The following RASAL2 variants were observed in gnomAD, a reference collection of about 807,000 sequenced individuals.
RASAL2 encodes the protein RAS protein activator like 2.
RASAL2 carries 58 observed loss-of-function variants against 128.9 expected under a neutral mutation model. That is an observed-to-expected ratio of 0.45 (90% CI 0.36 to 0.56). RASAL2 has a LOEUF of 0.56. Among genes scored for constraint, RASAL2 ranks in the 20% least tolerant of loss-of-function variants. The pLI is 0.00. For missense variants in RASAL2, 1,360 were observed against 1,601.6 expected (o/e 0.85, Z 2.57); for synonymous variants, 561 against 580.8 (o/e 0.97, Z 0.49).
At chr1:178,383,054 A>G (rs758192219) in intron 3 of RASAL2, among the ~76,000 whole-genome samples, 10 of 152,138 alleles carry the variant, frequency 6.6e-5, no homozygotes, top group Non-Finnish European at 1.2e-4. Flanking sequence ...CTGGGGAAAA[A>G]AATTGTTTTT....
In RASAL2 at chr1:178,108,923, G is replaced by T. The variant is rs146147706; in HGVS notation, c.202+14229G>T. 2.3e-4 allele frequency among the ~76,000 whole-genome samples: 35 copies of T among 152,294 alleles called. No individual in the cohort carries two copies. In the East Asian group the frequency reaches 6.6e-3, roughly 29 times the overall value. ...TTGAATAGTTTTGTATTTAAAAAAGGTTAAAGTCTGTTAGCTCTCTAAAAT... is the reference window on the plus strand; with the variant it reads ...TTGAATAGTTTTGTATTTAAAAAAGTTTAAAGTCTGTTAGCTCTCTAAAAT... On this transcript the variant is annotated intron_variant, in intron 1 of 17. Transcript: ENST00000367649.
chr1:178,155,210 A>G (rs139594846), intron 1 of RASAL2, among the ~76,000 whole-genome samples: 2 of 152,236 alleles, frequency 1.3e-5, no homozygotes, highest in East Asian at 3.9e-4. Flanking sequence ...GTATTCTTCT[A>G]TTGCCCCAGG....
chr1:178,278,776 T>G (rs1326386275), intron 1 of RASAL2, among the ~76,000 whole-genome samples: 2 of 152,186 alleles, frequency 1.3e-5, no homozygotes, highest in African/African-American at 4.8e-5. Context: ...ATGGAAGAGA[T>G]AAGTTGCTTA....
intron 4 of RASAL2, among the ~76,000 whole-genome samples, chr1:178,400,431 G>A (rs754450360): frequency 1.1e-4 from 17 of 152,014 alleles, no homozygotes; most frequent in African/African-American, 3.4e-4. Context: ...AACCTTGGCC[G>A]TCTCTGTCCT....
intron 1 of RASAL2, among the ~76,000 whole-genome samples, chr1:178,152,526 G>C (rs576852642): frequency 6.6e-6 from 1 of 152,220 alleles, no homozygotes; most frequent in Admixed American, 6.5e-5. Flanking sequence ...TTAGCCAAGC[G>C]TGGTGGCGGG....
At chr1:178,153,130 C>CA (rs1344696802) in intron 1 of RASAL2, among the ~76,000 whole-genome samples, 1 of 151,992 alleles carries the variant, frequency 6.6e-6, no homozygotes, top group Non-Finnish European at 1.5e-5. Context: ...AATGTTTTGT[C>CA]AAAGAAACAG....
At chr1:178,438,101 C>G in intron 5 of RASAL2, among the ~76,000 whole-genome samples, 1 of 98,052 alleles carries the variant, frequency 1.0e-5, no homozygotes, top group African/African-American at 4.0e-5. Flanking sequence ...TAAATGGTGG[C>G]TTGTGTGTGT....
chr1:178,118,864 T>TG (rs1474913607), intron 1 of RASAL2, among the ~76,000 whole-genome samples: 2 of 152,024 alleles, frequency 1.3e-5, no homozygotes, highest in Admixed American at 6.6e-5. Context: ...AGGTTTTTTT[T>TG]TTTTTGTTTG....
chr1:178,097,113 TA>T (rs893057365), intron 1 of RASAL2, among the ~76,000 whole-genome samples: 6 of 152,256 alleles, frequency 3.9e-5, no homozygotes, highest in African/African-American at 1.4e-4. Flanking sequence ...GAGTGTAGTC[TA>T]ACATGTTTCA....
chr1:178,283,518 G>A, intron 1 of RASAL2, 46 bp from the exon 2 acceptor site: 1 of 1,591,598 alleles, frequency 6.3e-7, no homozygotes, highest in South Asian at 1.1e-5. Context: ...GGTTTACTAA[G>A]CAAGATAATG....
intron 1 of RASAL2, among the ~76,000 whole-genome samples, chr1:178,195,755 T>C (rs1436332628): frequency 6.6e-6 from 1 of 152,140 alleles, no homozygotes; most frequent in Non-Finnish European, 1.5e-5. Context: ...AAACTATACA[T>C]TTTCTAGATA....
intron 1 of RASAL2, among the ~76,000 whole-genome samples, chr1:178,107,299 C>G (rs1659127708): frequency 6.6e-6 from 1 of 152,038 alleles, no homozygotes; most frequent in African/African-American, 2.4e-5. Flanking sequence ...CATTTTTGTG[C>G]TTTTCTAAGT....
At chr1:178,192,920 C>T (rs1421060959) in intron 1 of RASAL2, among the ~76,000 whole-genome samples, 2 of 152,056 alleles carry the variant, frequency 1.3e-5, no homozygotes, top group Non-Finnish European at 2.9e-5. Flanking sequence ...TGGGTATGTG[C>T]ACATTTCCAG....
chr1:178,442,605 A>G, intron 7 of RASAL2, 70 bp from the exon 8 acceptor site: 3 of 1,378,942 alleles, frequency 2.2e-6, no homozygotes, highest in Non-Finnish European at 3.0e-6. Flanking sequence ...GAACATTGCC[A>G]ACTTAAGAAA....
intron 3 of RASAL2, among the ~76,000 whole-genome samples, chr1:178,377,785 G>A (rs1375554869): frequency 6.6e-6 from 1 of 152,118 alleles, no homozygotes; most frequent in Non-Finnish European, 1.5e-5. Flanking sequence ...GTCAGAGATA[G>A]GAAGTGGGTA....
intron 1 of RASAL2, among the ~76,000 whole-genome samples, chr1:178,135,359 C>T (rs955674732): frequency 6.6e-6 from 1 of 151,818 alleles, no homozygotes; most frequent in African/African-American, 2.4e-5. Context: ...CATCTAATTC[C>T]ATTTTTTCCA....
At chr1:178,132,730 A>G (rs1359863736) in intron 1 of RASAL2, among the ~76,000 whole-genome samples, 2 of 148,360 alleles carry the variant, frequency 1.3e-5, no homozygotes, top group Middle Eastern at 3.5e-3. Flanking sequence ...TTTGTATGTC[A>G]TTTTTGTTGT....
rs1452178267 is a variant in RASAL2, at chr1:178,430,276, C to A, written c.675-9146C>A. On this transcript the variant is annotated intron_variant, in intron 5 of 17. Transcript: ENST00000367649. ...CCATTAATTAATCAATACAGTCTAG[C>A]TATCGATTAGAGTTTCCTATTCCAG... 2.6e-5 allele frequency among the ~76,000 whole-genome samples: 4 copies of A among 152,112 alleles called. 1 individual carries two copies. The East Asian group carries it at 7.7e-4, about 29-fold the overall frequency.
intron 1 of RASAL2, among the ~76,000 whole-genome samples, chr1:178,257,503 G>T (rs918079141): frequency 2.0e-5 from 3 of 151,370 alleles, no homozygotes; most frequent in African/African-American, 7.3e-5. Context: ...TTTCGACAAG[G>T]TTATCAAGAC....
Sources: gnomAD v4.1 joint callset for allele counts (sites outside exome capture counted in the v4.1 genomes callset) on GRCh38, gnomAD v4.1.1 for gene constraint, MANE v1.5 for transcripts, NCBI Gene and HGNC (gene_info 2026-07-23, HGNC 2026-07-21) for gene names.